GARIN2: variants seen among roughly 807,000 people sequenced by gnomAD.
GARIN2 encodes golgi associated RAB2 interactor family member 2.
chr14:67,207,507 C>G, the GARIN2 span, among the ~76,000 whole-genome samples: 1 of 151,794 alleles, frequency 6.6e-6, no homozygotes, highest in Non-Finnish European at 1.5e-5. Context: ...TTGGAGGTCA[C>G]ATTTCAACAT....
At chr14:67,201,685 T>C in the GARIN2 span, 515 of 368,490 alleles carry the variant, frequency 1.4e-3, 7 homozygotes, top group East Asian at 0.027. Context: ...TCATCATCCC[T>C]GAGCCATGAT....
chr14:67,200,092 G>A, the GARIN2 span: 1 of 1,012,476 alleles, frequency 9.9e-7, no homozygotes, highest in Non-Finnish European at 1.5e-6. Context: ...GCCTTATCCT[G>A]GACCTCCTCC....
At chr14:67,190,336 G>C in the GARIN2 span, among the ~76,000 whole-genome samples, 3 of 151,154 alleles carry the variant, frequency 2.0e-5, no homozygotes, top group African/African-American at 7.3e-5. Flanking sequence ...CCATTCTCGT[G>C]CCTCAGCCTC....
chr14:67,203,469 G>A, the GARIN2 span, among the ~76,000 whole-genome samples: 1 of 152,062 alleles, frequency 6.6e-6, no homozygotes, highest in Non-Finnish European at 1.5e-5. Context: ...TATGACAATG[G>A]GTATCCAACA....
the GARIN2 span, chr14:67,225,386 T>C: frequency 1.7e-6 from 1 of 591,604 alleles, no homozygotes. Context: ...AGTAACAATA[T>C]AAGTGGAATG....
chr14:67,193,944 C>CA, the GARIN2 span, among the ~76,000 whole-genome samples: 105 of 33,804 alleles, frequency 3.1e-3, no homozygotes, highest in African/African-American at 0.012. Context: ...GACCCTGTCT[C>CA]AAAAAAAAAC....
At chr14:67,197,800 CT>C in the GARIN2 span, among the ~76,000 whole-genome samples, 4 of 152,232 alleles carry the variant, frequency 2.6e-5, no homozygotes, top group African/African-American at 9.6e-5. Flanking sequence ...CTAGAGAAGC[CT>C]TTCCTGCTAC....
At chr14:67,225,962 T>TGTGTGCGCGC in the GARIN2 span, among the ~76,000 whole-genome samples, 8 of 113,518 alleles carry the variant, frequency 7.0e-5, no homozygotes, top group African/African-American at 3.6e-4. Flanking sequence ...TGTGTGTGTG[T>TGTGTGCGCGC]GCGCGCGCGC....
chr14:67,194,801 GCACCTGT>G, the GARIN2 span, among the ~76,000 whole-genome samples: 1 of 152,288 alleles, frequency 6.6e-6, no homozygotes, highest in East Asian at 1.9e-4. Flanking sequence ...GGGATTACAG[GCACCTGT>G]CACCATGCCA....
the GARIN2 span, among the ~76,000 whole-genome samples, chr14:67,211,424 A>G: frequency 6.6e-6 from 1 of 152,180 alleles, no homozygotes. Flanking sequence ...AACTGAACCT[A>G]GAGGAGAACT....
the GARIN2 span, among the ~76,000 whole-genome samples, chr14:67,216,138 G>A: frequency 5.0e-3 from 764 of 152,136 alleles, 3 homozygotes; most frequent in Non-Finnish European, 7.0e-3. Context: ...ATTTGTTACA[G>A]TCAATGAACA....
chr14:67,205,892 A>G, the GARIN2 span, among the ~76,000 whole-genome samples: 1 of 152,188 alleles, frequency 6.6e-6, no homozygotes, highest in African/African-American at 2.4e-5. Context: ...CTAGGTCCAC[A>G]ATAGAAAAAA....
chr14:67,200,832 T>C, the GARIN2 span, among the ~76,000 whole-genome samples: 1 of 152,194 alleles, frequency 6.6e-6, no homozygotes, highest in South Asian at 2.1e-4. Context: ...TCTAATAAAA[T>C]TACATAGTAC....
At chr14:67,225,651 G>A in the GARIN2 span, among the ~76,000 whole-genome samples, 1 of 152,096 alleles carries the variant, frequency 6.6e-6, no homozygotes, top group Non-Finnish European at 1.5e-5. Context: ...GATATTCGTA[G>A]AGTGCCTGCA....
the GARIN2 span, among the ~76,000 whole-genome samples, chr14:67,220,625 TA>T: frequency 2.0e-5 from 3 of 152,200 alleles, no homozygotes; most frequent in Non-Finnish European, 4.4e-5. Context: ...AAAACATTTA[TA>T]TTTTTTTCTC....
chr14:67,193,565 C>A, the GARIN2 span, among the ~76,000 whole-genome samples: 1 of 138,524 alleles, frequency 7.2e-6, no homozygotes. Flanking sequence ...AGATCTATAT[C>A]TATATAGATC....
At chr14:67,192,994 ATCTC>A in the GARIN2 span, among the ~76,000 whole-genome samples, 2 of 146,362 alleles carry the variant, frequency 1.4e-5, no homozygotes, top group Non-Finnish European at 3.0e-5. Flanking sequence ...CTCTCTATAT[ATCTC>A]TATATATCAA....
At chr14:67,192,894 C>T in the GARIN2 span, among the ~76,000 whole-genome samples, 3 of 137,150 alleles carry the variant, frequency 2.2e-5, no homozygotes, top group African/African-American at 2.7e-5. Flanking sequence ...ATCTAGATAT[C>T]GATATCTAGA....
the GARIN2 span, among the ~76,000 whole-genome samples, chr14:67,205,758 C>G: frequency 6.6e-6 from 1 of 152,148 alleles, no homozygotes; most frequent in African/African-American, 2.4e-5. Flanking sequence ...TTTGGGCAAA[C>G]GTTAGTGACC....
Sources: allele counts gnomAD v4.1 joint callset (sites outside exome capture counted in the v4.1 genomes callset), GRCh38; gene constraint gnomAD v4.1.1; transcripts MANE v1.5; gene names NCBI Gene and HGNC (gene_info 2026-07-23, HGNC 2026-07-21).